Variants in PICALM observed in about 807,000 individuals in gnomAD.
The protein encoded by PICALM is phosphatidylinositol-binding clathrin assembly protein.
PICALM carries 40 observed loss-of-function variants against 80.5 expected under a neutral mutation model. The observed-to-expected ratio is 0.50, with a 90% CI of 0.39 to 0.65. The LOEUF (loss-of-function observed/expected upper bound fraction) is 0.65, where lower values mean the gene tolerates loss of function less well. Ranked by LOEUF, PICALM falls within the 30% of genes least tolerant of loss-of-function variation. PICALM has a pLI of 0.00. For synonymous variants in PICALM, 288 were observed against 260.3 expected (o/e 1.11, Z -1.02); for missense variants, 676 against 778.9 (o/e 0.87, Z 1.57).
chr11:86,062,164 G>A (rs1256165901), intron 1 of PICALM, among the ~76,000 whole-genome samples: 7 of 152,260 alleles, frequency 4.6e-5, no homozygotes, highest in East Asian at 1.9e-4. Context: ...ACATTGTACC[G>A]CTACAACAGT....
At position 85,965,341 on chromosome 11, in the gene PICALM, G is replaced by A. The variant is rs893183749; in HGVS notation, c.1945-6281C>T. On this transcript the variant is annotated intron_variant, in intron 19 of 19. Coordinates refer to ENST00000393346, the MANE Select transcript of PICALM (RefSeq NM_007166.4). The stretch of plus-strand genomic sequence containing the variant: ...TAAACTACCCAGTCTATGGTATTCT[G>A]TTACATCAGCACAAACAGACTTAGA... 3.9e-5 allele frequency among the ~76,000 whole-genome samples: 6 copies of A among 152,146 alleles called. No homozygotes were observed. In the South Asian group the frequency reaches 6.2e-4, roughly 16 times the overall value.
chr11:86,036,265 T>A (rs530385065), intron 1 of PICALM, among the ~76,000 whole-genome samples: 1 of 152,342 alleles, frequency 6.6e-6, no homozygotes, highest in East Asian at 1.9e-4. Flanking sequence ...AGTGTCAATG[T>A]CCAGGAAATG....
intron 9 of PICALM, among the ~76,000 whole-genome samples, chr11:86,002,895 C>T (rs1026180460): frequency 3.9e-5 from 6 of 152,008 alleles, no homozygotes; most frequent in African/African-American, 1.4e-4. Context: ...CATCTGTAGT[C>T]CCACCCTTGG....
upstream of PICALM, chr11:86,069,222 A>G (rs1204706721): frequency 2.2e-5 from 4 of 181,772 alleles, no homozygotes; most frequent in Middle Eastern, 2.1e-3. Flanking sequence ...GCGAGGGAAG[A>G]GCTGGGCGGC....
chr11:85,994,818 C>T (rs1301022477), intron 12 of PICALM, among the ~76,000 whole-genome samples: 1 of 152,304 alleles, frequency 6.6e-6, no homozygotes, highest in East Asian at 1.9e-4. Context: ...ATTCTCATGC[C>T]TCGGCCTCCC....
intron 19 of PICALM, among the ~76,000 whole-genome samples, chr11:85,964,363 A>C (rs1314108581): frequency 6.6e-6 from 1 of 152,190 alleles, no homozygotes; most frequent in Non-Finnish European, 1.5e-5. Flanking sequence ...TCAACCTCTT[A>C]AGAGAAAAAT....
At chr11:86,028,923 C>T (rs1161097188) in intron 2 of PICALM, among the ~76,000 whole-genome samples, 2 of 151,664 alleles carry the variant, frequency 1.3e-5, no homozygotes, top group Admixed American at 6.6e-5. Flanking sequence ...CTGCAACCTC[C>T]GCTTCCCAGG....
At chr11:85,971,509 A>G (rs2094111281) in intron 19 of PICALM, among the ~76,000 whole-genome samples, 2 of 151,902 alleles carry the variant, frequency 1.3e-5, no homozygotes, top group South Asian at 4.2e-4. Context: ...GCCGAGGCAG[A>G]TGAACTGCTA....
intron 1 of PICALM, among the ~76,000 whole-genome samples, chr11:86,062,453 G>A (rs1227608655): frequency 3.9e-5 from 6 of 151,962 alleles, no homozygotes; most frequent in Non-Finnish European, 8.8e-5. Flanking sequence ...AGGAGGCAAA[G>A]GTTGCAGTTA....
At chr11:86,002,132 G>C (rs12795833) in intron 9 of PICALM, among the ~76,000 whole-genome samples, 14,927 of 152,140 alleles carry the variant, frequency 0.098, 908 homozygotes, top group Admixed American at 0.15. Flanking sequence ...AGGTAAATTG[G>C]TGCACCTGAA....
intron 11 of PICALM, among the ~76,000 whole-genome samples, chr11:85,999,533 T>C (rs577491434): frequency 6.6e-6 from 1 of 152,202 alleles, no homozygotes; most frequent in Admixed American, 6.5e-5. Context: ...AACTGGGGAT[T>C]AAAGAAGGTA....
At chr11:86,047,653 C>T (rs1565546332) in intron 1 of PICALM, among the ~76,000 whole-genome samples, 3 of 152,082 alleles carry the variant, frequency 2.0e-5, no homozygotes, top group Non-Finnish European at 4.4e-5. Flanking sequence ...GGGTAAACTA[C>T]GTTAAAAGGG....
chr11:86,025,719 C>T (rs2095639835), intron 3 of PICALM, among the ~76,000 whole-genome samples: 1 of 151,800 alleles, frequency 6.6e-6, no homozygotes, highest in Non-Finnish European at 1.5e-5. Flanking sequence ...CCACCAATCC[C>T]GGCTAATTTT....
intron 17 of PICALM, 155 bp from the exon 18 acceptor site, chr11:85,976,837 C>G (rs149043347): frequency 1.9e-6 from 1 of 526,218 alleles, no homozygotes; most frequent in African/African-American, 1.9e-5. Context: ...GATTAATGGT[C>G]AGTGAAAAAA....
At chr11:86,055,730 A>T (rs975627584) in intron 1 of PICALM, among the ~76,000 whole-genome samples, 18 of 152,326 alleles carry the variant, frequency 1.2e-4, no homozygotes, top group African/African-American at 3.1e-4. Context: ...AAAATTGATC[A>T]ATCTTAAATC....
chr11:86,048,785 T>C lies in PICALM; in HGVS notation c.131-17174A>G, dbSNP rs553432184. ...AGGCAGAGGTTGCGGTGAGCCAAGA[T>C]ATAGCACCACTGCACTTCAGCCTCC... On this transcript the variant is annotated intron_variant, in intron 1 of 19. Transcript: ENST00000393346. 6.9e-4 allele frequency among the ~76,000 whole-genome samples: 92 copies of C among 134,046 alleles called. 3 individuals carry two copies. In the South Asian group the frequency reaches 0.02, roughly 29 times the overall value. 87.9% of individuals were successfully genotyped at this position (134,046 alleles called of 152,430 possible).
intron 11 of PICALM, among the ~76,000 whole-genome samples, chr11:85,998,935 A>C (rs1471031517): frequency 6.6e-6 from 1 of 152,210 alleles, no homozygotes; most frequent in Non-Finnish European, 1.5e-5. Context: ...CTAATTTTTA[A>C]CTTATATATT....
chr11:86,065,210 G>A (rs550126243), intron 1 of PICALM, among the ~76,000 whole-genome samples: 122 of 152,268 alleles, frequency 8.0e-4, no homozygotes, highest in Admixed American at 1.0e-3. Flanking sequence ...CCCTTTGGGA[G>A]GCCGAGGCGG....
At chr11:85,987,852 A>G (rs1409747956) in intron 13 of PICALM, among the ~76,000 whole-genome samples, 1 of 152,256 alleles carries the variant, frequency 6.6e-6, no homozygotes, top group Non-Finnish European at 1.5e-5. Context: ...TCATGTATGT[A>G]AACTTCAGGA....
Sources: allele counts gnomAD v4.1 joint callset (sites outside exome capture counted in the v4.1 genomes callset), GRCh38; gene constraint gnomAD v4.1.1; transcripts MANE v1.5; gene names NCBI Gene and HGNC (gene_info 2026-07-23, HGNC 2026-07-21).